ACOT1: variants seen among roughly 807,000 people sequenced by gnomAD.
ACOT1 encodes the protein acyl-CoA thioesterase 1.
Under a neutral mutation model 15.7 loss-of-function variants are expected in ACOT1, and 8 were observed. The ratio of observed to expected loss-of-function variants is 0.51; its 90% CI spans 0.30 to 0.92. The LOEUF is 0.92. Among genes scored for constraint, ACOT1 ranks in the 40% least tolerant of loss-of-function variants. The pLI is 0.06. For synonymous variants in ACOT1, 67 were observed against 241.2 expected, an observed-to-expected ratio of 0.28 and a Z score of 6.69; for missense variants, 151 against 539.4, an observed-to-expected ratio of 0.28 and a Z score of 7.13.
the ACOT1 span, chr14:73,527,450 GA>G: frequency 6.6e-6 from 1 of 150,586 alleles, no homozygotes; most frequent in Non-Finnish European, 1.5e-5. Context: ...ATTTCAAAAA[GA>G]GATTGAAATA....
At position 73,541,151 on chromosome 14, in the gene ACOT1, C is replaced by T. The variant is rs1165364095; in HGVS notation, c.458-342C>T. ...ATGAGTAGCCTTTTGAGTCTGTCTCCATTGAATAAGTGCATTCTGTTGAGT... is the reference window on the plus strand; with the variant it reads ...ATGAGTAGCCTTTTGAGTCTGTCTCTATTGAATAAGTGCATTCTGTTGAGT... On this transcript the variant is annotated intron_variant, in intron 1 of 2. Coordinates refer to ENST00000311148, the MANE Select transcript of ACOT1 (RefSeq NM_001037161.2). 1.8e-5 allele frequency among the ~76,000 whole-genome samples: 2 copies of T among 112,188 alleles called. 1 individual carries two copies. Among genetic ancestry groups the T allele is most frequent in the Admixed American group, 2.0e-4 (2 of 10,092 alleles). 73.6% of individuals were successfully genotyped at this position (112,188 alleles called of 152,430 possible).
chr14:73,533,881 TAA>T (rs59844752), upstream of ACOT1, among the ~76,000 whole-genome samples: 115 of 37,980 alleles, frequency 3.0e-3, 13 homozygotes, highest in East Asian at 0.11. Context: ...ACCCTGTCTC[TAA>T]AAAAAAAAAA....
the ACOT1 span, chr14:73,512,089 T>C: frequency 1.2e-6 from 2 of 1,614,174 alleles, no homozygotes; most frequent in Non-Finnish European, 8.5e-7. Flanking sequence ...CCGAACGTCA[T>C]CATGCAGGTC....
chr14:73,512,120 T>C, the ACOT1 span: 20 of 1,614,148 alleles, frequency 1.2e-5, 1 homozygote, highest in South Asian at 2.0e-4. Flanking sequence ...TGAAGCAGGT[T>C]CTCTACTGTC....
the ACOT1 span, chr14:73,506,470 G>A: frequency 1.9e-6 from 3 of 1,612,242 alleles, no homozygotes; most frequent in East Asian, 2.2e-5. Flanking sequence ...GGTTTACCAA[G>A]CAGACATTTC....
chr14:73,523,256 C>T, the ACOT1 span: 2 of 1,165,782 alleles, frequency 1.7e-6, no homozygotes, highest in Non-Finnish European at 2.3e-6. Flanking sequence ...CTGATGAGAA[C>T]TCTAGAGCAG....
chr14:73,499,406 G>A, the ACOT1 span, among the ~76,000 whole-genome samples: 27,331 of 152,076 alleles, frequency 0.18, 3,146 homozygotes, highest in South Asian at 0.25. Flanking sequence ...CTTGGACCTG[G>A]GAGGCGGAGG....
chr14:73,527,022 C>G, the ACOT1 span, among the ~76,000 whole-genome samples: 1 of 151,966 alleles, frequency 6.6e-6, no homozygotes, highest in African/African-American at 2.4e-5. Context: ...CTTATCTTAC[C>G]CAAGGCCACC....
At chr14:73,492,148 C>G in the ACOT1 span, 170 of 1,613,896 alleles carry the variant, frequency 1.1e-4, no homozygotes, top group Non-Finnish European at 4.9e-5. The surrounding 1 kb of genome is among the most constrained non-coding windows in gnomAD (Gnocchi z 4.9). Context: ...GCCCCAACTT[C>G]AGTCAGGACG....
At chr14:73,492,605 T>C in the ACOT1 span, 1 of 1,613,872 alleles carries the variant, frequency 6.2e-7, no homozygotes, top group Non-Finnish European at 8.5e-7. This position sits in a 1 kb window ranked among gnomAD's most constrained non-coding sequence, Gnocchi z 4.9. Context: ...TCCAATTCGC[T>C]GGGAGGCTGG....
upstream of ACOT1, among the ~76,000 whole-genome samples, chr14:73,536,753 TCA>T (rs1240871108): frequency 1.8e-5 from 2 of 113,546 alleles, 1 homozygote; most frequent in Non-Finnish European, 3.8e-5. Flanking sequence ...AGCTCAGAGG[TCA>T]CACAGCTAGT....
the ACOT1 span, chr14:73,508,257 C>T: frequency 6.2e-7 from 1 of 1,613,990 alleles, no homozygotes; most frequent in South Asian, 1.1e-5. Flanking sequence ...CTTCCAGAGC[C>T]AAGCACTGAG....
the ACOT1 span, chr14:73,512,123 C>G: frequency 1.2e-6 from 2 of 1,614,146 alleles, no homozygotes; most frequent in Non-Finnish European, 1.7e-6. Context: ...AGCAGGTTCT[C>G]TACTGTCTCA....
At chr14:73,523,370 A>C in the ACOT1 span, 1 of 540,290 alleles carries the variant, frequency 1.9e-6, no homozygotes, top group Non-Finnish European at 3.3e-6. Flanking sequence ...AAAGAAGAAA[A>C]TGGTGCAACA....
chr14:73,532,301 G>A (rs1188877280), upstream of ACOT1, among the ~76,000 whole-genome samples: 1 of 115,684 alleles, frequency 8.6e-6, no homozygotes, highest in African/African-American at 2.8e-5. Flanking sequence ...ATCCTGGCTA[G>A]ATTATTAGCC....
At chr14:73,492,823 T>C in the ACOT1 span, 9 of 1,613,952 alleles carry the variant, frequency 5.6e-6, no homozygotes, top group South Asian at 1.1e-5. This position sits in a 1 kb window ranked among gnomAD's most constrained non-coding sequence, Gnocchi z 4.9. Flanking sequence ...TTGGTTCTTA[T>C]CCAGAGTTTG....
chr14:73,531,766 A>G, the ACOT1 span, among the ~76,000 whole-genome samples: 6 of 111,928 alleles, frequency 5.4e-5, 2 homozygotes, highest in African/African-American at 1.7e-4. Flanking sequence ...GACACCTGTA[A>G]TCCCAGCAAC....
upstream of ACOT1, among the ~76,000 whole-genome samples, chr14:73,534,070 AG>A (rs1170107695): frequency 2.7e-5 from 3 of 111,332 alleles, 1 homozygote; most frequent in Non-Finnish European, 5.8e-5. Context: ...TGACAGAGCA[AG>A]ACCTAGTCTC....
chr14:73,503,569 C>T, the ACOT1 span, among the ~76,000 whole-genome samples: 1 of 152,192 alleles, frequency 6.6e-6, no homozygotes, highest in Non-Finnish European at 1.5e-5. Context: ...CTACCTGGTA[C>T]TTGATGTCTT....
Sources: gnomAD v4.1 joint callset for allele counts (sites outside exome capture counted in the v4.1 genomes callset) on GRCh38, gnomAD v4.1.1 for gene constraint, Gnocchi (gnomAD v3.1) non-coding constraint, MANE v1.5 for transcripts, NCBI Gene and HGNC (gene_info 2026-07-23, HGNC 2026-07-21) for gene names.